Variants in MUC5AC observed in about 807,000 individuals in gnomAD.
MUC5AC encodes mucin 5AC, oligomeric mucus/gel-forming.
A neutral mutation model predicts 169.7 loss-of-function variants in MUC5AC; 158 were observed. That is an observed-to-expected ratio of 0.93 (90% confidence interval 0.82 to 1.06). The LOEUF is 1.06. Among genes scored for constraint, MUC5AC ranks in the 50% least tolerant of loss-of-function variants. MUC5AC has a pLI of 0.00. For synonymous variants in MUC5AC, 1,975 were observed against 1,237.0 expected, an observed-to-expected ratio of 1.60 and a Z score of -12.52; for missense variants, 4,359 against 3,089.9, an observed-to-expected ratio of 1.41 and a Z score of -9.74.
chr11:1,189,052 C>A lies in MUC5AC; in HGVS notation c.10907C>A (p.Thr3636Asn). Residue 3636 changes from threonine to asparagine, a missense_variant, in exon 31 of 49, where the codon ACC (threonine) becomes AAC (asparagine). Physicochemically the swap from Thr to Asn is moderately conservative, Grantham distance 65. Coordinates refer to ENST00000621226, the MANE Select transcript of MUC5AC (RefSeq NM_001304359.2). Reference sequence around the variant, plus strand: ...TCCACATCTGTGACAGCTCCTAGCACCCCTAGTGGGAGAGCCACCAGCCCA... The same window carrying A: ...TCCACATCTGTGACAGCTCCTAGCAACCCTAGTGGGAGAGCCACCAGCCCA... The part of the protein sequence containing the change: ...VTSTSVTAPS[T>N]PSGRATSPTQ... The A allele has an allele frequency of 3.1e-6, 2 of 651,272 alleles. No homozygotes were observed. The highest frequency in any genetic ancestry group is 2.5e-5 in the East Asian group (1 of 40,034). The allele number at this position is 651,272 out of a possible 1,614,324, so 40.3% of individuals were successfully genotyped here.
rs565569039 is a variant in MUC5AC at position 1,194,441 on chromosome 11, C to G, written c.15007-46C>G. The G allele has an allele frequency of 2.2e-4, 158 of 717,064 alleles. No individual in the cohort carries two copies. The African/African-American group carries it at 2.4e-3, about 11-fold the overall frequency. 44.4% of individuals were successfully genotyped at this position (717,064 alleles called of 1,614,324 possible). A position where few individuals can be genotyped will look rare whatever the true frequency, so the allele number is the denominator to read the frequency against. On this transcript the variant is annotated intron_variant, in intron 34 of 48. Transcript: ENST00000621226. ...AGAGCCTGAGCAGCGGCTGACCGCC[C>G]GCCCGCCTGCCTTCTGACTTCCCGT... is the stretch of plus-strand genomic sequence containing the variant.
chr11:1,174,203 G>T (rs1177641931), intron 16 of MUC5AC, among the ~76,000 whole-genome samples: 1 of 152,278 alleles, frequency 6.6e-6, no homozygotes, highest in South Asian at 2.1e-4. Flanking sequence ...CCAAGGCTGA[G>T]CTGATGTGCT....
rs1427526342 is a variant in MUC5AC at position 1,184,766 on chromosome 11, C to T, written c.6621C>T (p.Tyr2207=). The part of the protein sequence containing the change: ...QQGPFKMCLN[Y]EVRVLCCETP... Reference sequence around the variant, plus strand: ...GACCCTTCAAGATGTGCCTCAACTACGAGGTGCGTGTGCTCTGCTGCGAGA... The same window carrying T: ...GACCCTTCAAGATGTGCCTCAACTATGAGGTGCGTGTGCTCTGCTGCGAGA... Residue 2207 remains tyrosine (Y), a synonymous_variant, in exon 31 of 49, where the codon TAC becomes TAT. Transcript: ENST00000621226. The T allele has an allele frequency of 1.0e-4, 66 of 647,784 alleles. No homozygotes were observed. The highest frequency in any genetic ancestry group is 2.5e-4 in the Middle Eastern group (1 of 3,934). The allele number at this position is 647,784 out of a possible 1,614,324, so 40.1% of individuals were successfully genotyped here.
chr11:1,187,784 C>T lies in MUC5AC; in HGVS notation c.9639C>T (p.Thr3213=), dbSNP rs1860990440. ...GCCATGTTTCCATATCCAAGACAACCCACTCCCAACCAGTCACCAGAGACT... is the reference window on the plus strand; with the variant it reads ...GCCATGTTTCCATATCCAAGACAACTCACTCCCAACCAGTCACCAGAGACT... ...STSHVSISKT[T]HSQPVTRDCH... Residue 3213 remains threonine, a synonymous_variant, in exon 31 of 49, where the codon ACC becomes ACT. Coordinates refer to ENST00000621226, the MANE Select transcript of MUC5AC (RefSeq NM_001304359.2). 21 of 765,108 alleles carry T rather than the reference C, an allele frequency of 2.7e-5. No individual in the cohort carries two copies. In the South Asian group the frequency reaches 2.8e-4, roughly 10 times the overall value. The allele number at this position is 765,108 out of a possible 1,614,324, so 47.4% of individuals were successfully genotyped here. A position where few individuals can be genotyped will look rare whatever the true frequency, so the allele number is the denominator to read the frequency against.
At chr11:1,175,561 ACT>A (rs1190404417) in intron 19 of MUC5AC, among the ~76,000 whole-genome samples, 4 of 130,652 alleles carry the variant, frequency 3.1e-5, no homozygotes. Flanking sequence ...ACACACTCAC[ACT>A]CATGCACATG....
In MUC5AC at chr11:1,174,484, C is replaced by T. The variant is rs1860624625; in HGVS notation, c.1966-12C>T. On this transcript the variant is annotated splice_polypyrimidine_tract_variant and intron_variant, in intron 16 of 48. Coordinates refer to ENST00000621226, the MANE Select transcript of MUC5AC (RefSeq NM_001304359.2). ...GGGGTCTCTGATGCCCCGATGACCC[C>T]CTTCCCTGCAGAACTGCATGTTTGA... The T allele has an allele frequency of 6.6e-7, 1 of 1,512,410 alleles. No homozygotes were observed. Among genetic ancestry groups the T allele is most frequent in the Non-Finnish European group, 8.9e-7 (1 of 1,121,576 alleles). 93.7% of individuals were successfully genotyped at this position (1,512,410 alleles called of 1,614,324 possible). A position where few individuals can be genotyped will look rare whatever the true frequency, so the allele number is the denominator to read the frequency against.
At chr11:1,175,352 CCCA>C in intron 19 of MUC5AC, 82 bp downstream of exon 19, 1 of 398,542 alleles carries the variant, frequency 2.5e-6, no homozygotes, top group Middle Eastern at 6.3e-4. Context: ...CAGGGTTAGC[CCCA>C]CCACAAGTCA....
At chr11:1,182,033 G>T (rs1030148995) in intron 30 of MUC5AC, 122 bp from the exon 31 acceptor site, 1 of 398,262 alleles carries the variant, frequency 2.5e-6, no homozygotes, top group East Asian at 3.6e-5. Flanking sequence ...AGGGACCGCG[G>T]GTGGGGACAG....
Position 1,163,058 on chromosome 11 carries a change from A to G in MUC5AC, c.679+13A>G, listed in dbSNP as rs780237040. 3 of 1,610,388 alleles carry G rather than the reference A, an allele frequency of 1.9e-6. No individual in the cohort carries two copies. Among genetic ancestry groups the G allele is most frequent in the Non-Finnish European group, 1.7e-6 (2 of 1,177,810 alleles). Reference sequence around the variant, plus strand: ...CTCCTCTCCCACAGTAAGGCCCCACATCGCCCTCAGCCCCTTCCTCAGTGT... The same window carrying G: ...CTCCTCTCCCACAGTAAGGCCCCACGTCGCCCTCAGCCCCTTCCTCAGTGT... On this transcript the variant is annotated intron_variant, in intron 6 of 48. Transcript: ENST00000621226.
intron 16 of MUC5AC, 119 bp from the exon 17 acceptor site, chr11:1,174,377 G>A (rs1390679836): frequency 1.5e-5 from 9 of 617,804 alleles, no homozygotes; most frequent in Non-Finnish European, 2.3e-5. Flanking sequence ...AGGGGTCCTG[G>A]GGGCAGGAAG....
intron 15 of MUC5AC, among the ~76,000 whole-genome samples, chr11:1,169,281 C>T (rs1365922510): frequency 6.6e-6 from 1 of 152,110 alleles, no homozygotes; most frequent in Non-Finnish European, 1.5e-5. Flanking sequence ...CCCTGACCGC[C>T]TACCCCTGCA....
chr11:1,161,802 T>C (rs28569104), intron 3 of MUC5AC, 105 bp from the exon 4 acceptor site: 1,123,969 of 1,471,644 alleles, frequency 0.76, 435,638 homozygotes, highest in Non-Finnish European at 0.8. Context: ...GCAGCAGCAC[T>C]TCCTGCAGGA....
rs912160425 is a variant in MUC5AC, at chr11:1,173,546, C to T, written c.1966-950C>T. Among the ~76,000 whole-genome samples the T allele has an allele frequency of 2.2e-3, 326 of 148,906 alleles. 4 individuals are homozygous for T. The highest frequency in any genetic ancestry group is 7.8e-3 in the African/African-American group (310 of 39,834). On this transcript the variant is annotated intron_variant, in intron 16 of 48. Transcript: ENST00000621226. The stretch of plus-strand genomic sequence containing the variant: ...TCACTCATTCACTCATTTACTGACT[C>T]ACTAATTCCTTCACCTACTCATTCA...
rs1005335580 is a variant in MUC5AC, at chr11:1,180,446, C to T, written c.3706C>T (p.Arg1236Trp). The T allele has an allele frequency of 2.8e-5, 11 of 398,782 alleles. No homozygotes were observed. The highest frequency in any genetic ancestry group is 1.3e-4 in the South Asian group (1 of 7,862). 24.7% of individuals were successfully genotyped at this position (398,782 alleles called of 1,614,324 possible). The change falls in exon 28 of 49, where the codon CGG becomes TGG. Residue 1236 changes from arginine to tryptophan, a missense_variant. Arg to Trp is a moderately radical substitution (Grantham distance 101, BLOSUM62 -3). Transcript: ENST00000621226. The stretch of plus-strand genomic sequence containing the variant: ...CTGCCCAACCCCGCCTCTGCCACCA[C>T]GGTGCCACGTCCATGGGAAGTCCTA... ...ATCPTPPLPPRCHVHGKSYRP... is the reference protein window; with the variant it reads ...ATCPTPPLPPWCHVHGKSYRP...
At chr11:1,164,841 G>A (rs971878295) in intron 9 of MUC5AC, among the ~76,000 whole-genome samples, 2 of 144,356 alleles carry the variant, frequency 1.4e-5, no homozygotes, top group Non-Finnish European at 3.0e-5. Flanking sequence ...GGCCCCTGAG[G>A]CTGGCTGAGG....
At position 1,178,511 on chromosome 11, in the gene MUC5AC, G is replaced by A. The variant is rs978978023; in HGVS notation, c.3155G>A (p.Arg1052Gln). 1.3e-5 allele frequency: 16 copies of A among 1,227,378 alleles called. No homozygotes were observed. Among genetic ancestry groups the A allele is most frequent in the African/African-American group, 4.7e-5 (3 of 63,448 alleles). The allele number at this position is 1,227,378 out of a possible 1,614,324, so 76.0% of individuals were successfully genotyped here. ...GTTAATGACTTTGCCACGCGGAGCC[G>A]GTCTGTGGTGGGGGACGTGCTGGAG... ...IAVNDFATRS[R>Q]SVVGDVLEFG... The change falls in exon 25 of 49, where the codon CGG becomes CAG. Residue 1052 changes from arginine to glutamine, a missense_variant. Physicochemically the swap from Arg to Gln is conservative, Grantham distance 43. Coordinates refer to ENST00000621226, the MANE Select transcript of MUC5AC (RefSeq NM_001304359.2).
At chr11:1,164,661 C>T in intron 9 of MUC5AC, 129 bp downstream of exon 9, 2 of 1,322,082 alleles carry the variant, frequency 1.5e-6, no homozygotes, top group Non-Finnish European at 2.0e-6. Context: ...ACTGAGGCCC[C>T]TGTCCTGGGC....
Position 1,165,777 on chromosome 11 carries a change from T to C in MUC5AC, c.1386+17T>C. On this transcript the variant is annotated intron_variant, in intron 11 of 48. Coordinates refer to ENST00000621226, the MANE Select transcript of MUC5AC (RefSeq NM_001304359.2). ...CTGACCAAGGTACGGCCTGGCTGCC[T>C]GGGGTGCTCGCCGGACAGAGGGGGC... 1.2e-6 allele frequency: 2 copies of C among 1,611,000 alleles called. No individual in the cohort carries two copies. The highest frequency in any genetic ancestry group is 1.7e-6 in the Non-Finnish European group (2 of 1,179,552).
At chr11:1,193,345 G>A (rs1440617538) in intron 32 of MUC5AC, 140 bp from the exon 33 acceptor site, 2 of 613,848 alleles carry the variant, frequency 3.3e-6, no homozygotes, top group Non-Finnish European at 5.9e-6. Context: ...TGGGTGCTGA[G>A]GGTGGGGCAG....
Sources: allele counts gnomAD v4.1 joint callset (sites outside exome capture counted in the v4.1 genomes callset), GRCh38; gene constraint gnomAD v4.1.1; transcripts MANE v1.5; gene names NCBI Gene and HGNC (gene_info 2026-07-23, HGNC 2026-07-21).